Variants in CEMIP2 observed in about 807,000 individuals in gnomAD.
CEMIP2 encodes the protein cell migration inducing hyaluronidase 2, also known as cell surface hyaluronidase CEMIP2.
CEMIP2 carries 79 observed loss-of-function variants against 146.9 expected under a neutral mutation model. The ratio of observed to expected loss-of-function variants is 0.54; its 90% CI spans 0.45 to 0.65. The LOEUF (loss-of-function observed/expected upper bound fraction) is 0.65, where lower values mean the gene tolerates loss of function less well. Among genes scored for constraint, CEMIP2 ranks in the 30% least tolerant of loss-of-function variants. The pLI is 0.00. For synonymous variants in CEMIP2, 601 were observed against 606.3 expected, an observed-to-expected ratio of 0.99 and a Z score of 0.13; for missense variants, 1,596 against 1,696.2, an observed-to-expected ratio of 0.94 and a Z score of 1.04.
At chr9:71,734,727 T>G in intron 6 of CEMIP2, 79 bp downstream of exon 6, 1 of 1,359,520 alleles carries the variant, frequency 7.4e-7, no homozygotes, top group African/African-American at 1.4e-5. Context: ...TGGTAGTGAC[T>G]GAGAGGAAAA....
chr9:71,723,862 C>T (rs1245286418), intron 11 of CEMIP2, among the ~76,000 whole-genome samples: 1 of 152,040 alleles, frequency 6.6e-6, no homozygotes, highest in Non-Finnish European at 1.5e-5. Flanking sequence ...TTTGAGTACT[C>T]CAAGAATTCA....
At chr9:71,698,930 G>A (rs534902380) in intron 19 of CEMIP2, among the ~76,000 whole-genome samples, 2 of 151,432 alleles carry the variant, frequency 1.3e-5, no homozygotes, top group Non-Finnish European at 2.9e-5. Context: ...TACTAGAAAT[G>A]AAGAATTCAC....
At chr9:71,738,733 G>C (rs1418723196) in intron 5 of CEMIP2, among the ~76,000 whole-genome samples, 1 of 151,762 alleles carries the variant, frequency 6.6e-6, no homozygotes, top group Non-Finnish European at 1.5e-5. Context: ...AGCTATTTGG[G>C]AGGCTGAGGC....
intron 20 of CEMIP2, among the ~76,000 whole-genome samples, chr9:71,695,802 G>C (rs905553105): frequency 6.6e-6 from 1 of 151,922 alleles, no homozygotes; most frequent in Admixed American, 6.6e-5. Flanking sequence ...TAATATAAAT[G>C]TGTTTGGTTT....
intron 17 of CEMIP2, among the ~76,000 whole-genome samples, chr9:71,708,609 T>C (rs182326217): frequency 6.6e-6 from 1 of 152,358 alleles, no homozygotes; most frequent in Non-Finnish European, 1.5e-5. Context: ...ATATACTACG[T>C]TGCAAATTAG....
At chr9:71,715,635 T>TATATATATAC (rs1407893771) in intron 14 of CEMIP2, among the ~76,000 whole-genome samples, 1 of 143,520 alleles carries the variant, frequency 7.0e-6, no homozygotes, top group Non-Finnish European at 1.5e-5. Context: ...GATATATATA[T>TATATATATAC]ATATATATAT....
intron 22 of CEMIP2, chr9:71,686,344 A>C (rs1380274431): frequency 6.1e-6 from 1 of 164,808 alleles, no homozygotes; most frequent in Non-Finnish European, 1.3e-5. Context: ...TCTAATGCCC[A>C]ATGATCTGTT....
chr9:71,763,947 C>T (rs1406545757), intron 1 of CEMIP2, among the ~76,000 whole-genome samples: 1 of 152,130 alleles, frequency 6.6e-6, no homozygotes, highest in Non-Finnish European at 1.5e-5. Flanking sequence ...GAACATAGTT[C>T]CTGACAACCA....
intron 5 of CEMIP2, among the ~76,000 whole-genome samples, chr9:71,739,271 G>A (rs1182372452): frequency 2.0e-5 from 3 of 147,504 alleles, no homozygotes; most frequent in Non-Finnish European, 4.5e-5. Flanking sequence ...GGGAGGCTGA[G>A]GCAGAGAATT....
At chr9:71,700,955 A>C (rs193159877) in intron 18 of CEMIP2, 131 bp from the exon 19 acceptor site, 1 of 818,196 alleles carries the variant, frequency 1.2e-6, no homozygotes, top group Admixed American at 3.5e-5. Context: ...CTCCTCCTTA[A>C]ATTTCTTCTG....
intron 5 of CEMIP2, among the ~76,000 whole-genome samples, chr9:71,738,275 G>A (rs1034856700): frequency 6.6e-6 from 1 of 152,210 alleles, no homozygotes; most frequent in Admixed American, 6.5e-5. Context: ...CACTTTGGGA[G>A]GCTGAGATCG....
At chr9:71,730,965 T>C (rs1198398515) in intron 7 of CEMIP2, 51 bp from the exon 8 acceptor site, 2 of 1,444,086 alleles carry the variant, frequency 1.4e-6, no homozygotes, top group African/African-American at 1.4e-5. Context: ...AATAGGGAAG[T>C]AGCAAAAAAT....
Position 71,725,588 on chromosome 9 carries a change from T to C in CEMIP2, c.2171A>G (p.Asn724Ser), listed in dbSNP as rs1564010625. ...GIFYNNRVHS[N>S]FKAGLFIDKG... is the part of the protein sequence containing the mutation. ...TAAAACTTAGAAACCTACCTTAAAA[T>C]TTGAATGGACCCTGTTGTTATAAAA... Residue 724 changes from asparagine to serine, a missense_variant, in exon 11 of 24, where the codon AAT becomes AGT. By Grantham distance (46) the Asn-to-Ser change is conservative (BLOSUM62 1). Transcript: ENST00000377044. The C allele has an allele frequency of 6.2e-7, 1 of 1,613,670 alleles. No homozygotes were observed.
chr9:71,744,628 C>A (rs1316134645), intron 4 of CEMIP2, among the ~76,000 whole-genome samples: 1 of 152,228 alleles, frequency 6.6e-6, no homozygotes, highest in Non-Finnish European at 1.5e-5. Context: ...GCATGAAATT[C>A]TGCCCTAACC....
intron 7 of CEMIP2, 94 bp from the exon 8 acceptor site, chr9:71,731,008 A>C: frequency 1.1e-6 from 1 of 936,088 alleles, no homozygotes; most frequent in East Asian, 2.6e-5. Context: ...AAAGGAGAAT[A>C]CTTATTAAAA....
At chr9:71,740,376 T>C in intron 4 of CEMIP2, 144 bp from the exon 5 acceptor site, 1 of 925,308 alleles carries the variant, frequency 1.1e-6, no homozygotes, top group South Asian at 1.7e-5. Context: ...GAGGCTGCAG[T>C]TCCAAACCTT....
At chr9:71,750,506 A>G in intron 1 of CEMIP2, 121 bp from the exon 2 acceptor site, 4 of 734,808 alleles carry the variant, frequency 5.4e-6, no homozygotes, top group African/African-American at 1.8e-5. Context: ...CAATGGCATG[A>G]TCTCGGCTCA....
chr9:71,702,960 A>G (rs1391557402), intron 18 of CEMIP2, among the ~76,000 whole-genome samples: 1 of 152,140 alleles, frequency 6.6e-6, no homozygotes, highest in Non-Finnish European at 1.5e-5. Context: ...GCCCAATATA[A>G]CTTATAGAGT....
intron 21 of CEMIP2, among the ~76,000 whole-genome samples, chr9:71,692,261 C>G (rs972282676): frequency 2.7e-5 from 4 of 146,388 alleles, no homozygotes; most frequent in African/African-American, 1.0e-4. Flanking sequence ...CAGAGTCAAA[C>G]AATGTTTTCA....
Sources: gnomAD v4.1 joint callset for allele counts (sites outside exome capture counted in the v4.1 genomes callset) on GRCh38, gnomAD v4.1.1 for gene constraint, MANE v1.5 for transcripts, NCBI Gene and HGNC (gene_info 2026-07-23, HGNC 2026-07-21) for gene names.